Variants in GCNT2 observed in about 807,000 individuals in gnomAD.
GCNT2 encodes the protein N-acetyllactosaminide beta-1,6-N-acetylglucosaminyl-transferase.
In GCNT2, 34 loss-of-function variants were observed where a neutral mutation model predicts 34.2. That is an observed-to-expected ratio of 1.00 (90% confidence interval 0.76 to 1.32). The LOEUF is 1.32. Among genes scored for constraint, GCNT2 ranks in the 40% most tolerant of loss-of-function variants. The pLI is 0.00. For missense variants in GCNT2, 584 were observed against 489.4 expected (o/e 1.19, Z -1.82); for synonymous variants, 212 against 188.0 (o/e 1.13, Z -1.04).
Position 10,626,749 on chromosome 6 carries a change from T to A in GCNT2, c.*142T>A. 1 of 678,294 alleles carries A rather than the reference T, an allele frequency of 1.5e-6. No individual in the cohort carries two copies. Among genetic ancestry groups the A allele is most frequent in the Non-Finnish European group, 2.6e-6 (1 of 378,346 alleles). 42.0% of individuals were successfully genotyped at this position (678,294 alleles called of 1,614,324 possible). On this transcript the variant is annotated 3_prime_UTR_variant, in exon 5 of 5. Coordinates refer to ENST00000495262, the MANE Select transcript of GCNT2 (RefSeq NM_145649.5). ...CAGGACCTGGCTACGTAATTATACT[T>A]AAAATATCCACTGGACACTGTGAAA... is the stretch of plus-strand genomic sequence containing the variant.
chr6:10,598,126 T>G (rs983209703), intron 3 of GCNT2, among the ~76,000 whole-genome samples: 2 of 152,170 alleles, frequency 1.3e-5, no homozygotes, highest in African/African-American at 4.8e-5. Context: ...GATTCCTGTA[T>G]TATTTTGCTT....
rs60430189 is a variant in GCNT2 at position 10,533,987 on chromosome 6, G to C, written c.925+4151G>C. ...AGACGTTGGCCGTCCTCATGTCGCA[G>C]AGTCTCCACCTCTGCTGGTTTTGCT... is the stretch of plus-strand genomic sequence containing the variant. On this transcript the variant is annotated intron_variant, in intron 3 of 4. Transcript: ENST00000495262. Among the ~76,000 whole-genome samples, 5 of 151,324 alleles carry C rather than the reference G, an allele frequency of 3.3e-5. No individual in the cohort carries two copies. The East Asian group carries it at 9.7e-4, about 29-fold the overall frequency.
At chr6:10,602,366 T>G (rs931313834) in intron 3 of GCNT2, among the ~76,000 whole-genome samples, 51 of 152,168 alleles carry the variant, frequency 3.4e-4, no homozygotes, top group African/African-American at 1.2e-3. Flanking sequence ...ATGTGTGTGT[T>G]TTTGTGTCGC....
intron 3 of GCNT2, among the ~76,000 whole-genome samples, chr6:10,576,058 CGG>C (rs1185643045): frequency 6.6e-6 from 1 of 152,160 alleles, no homozygotes; most frequent in African/African-American, 2.4e-5. Flanking sequence ...TGCATGAAAA[CGG>C]GGTTTCACCA....
chr6:10,570,895 G>C (rs9393414), intron 3 of GCNT2, among the ~76,000 whole-genome samples: 98,270 of 152,054 alleles, frequency 0.65, 32,021 homozygotes, highest in Middle Eastern at 0.72. Context: ...TCTAAGCCTT[G>C]TAGATTTATC....
chr6:10,556,515 C>G, intron 3 of GCNT2: 5 of 1,613,958 alleles, frequency 3.1e-6, no homozygotes, highest in Non-Finnish European at 4.2e-6. Context: ...GGGGGAGATC[C>G]AAGCTTCCAA....
chr6:10,592,208 T>C (rs1764681702), intron 3 of GCNT2, among the ~76,000 whole-genome samples: 1 of 152,202 alleles, frequency 6.6e-6, no homozygotes, highest in African/African-American at 2.4e-5. Context: ...GAAGGAGAAA[T>C]TCCACAAAAC....
intron 3 of GCNT2, among the ~76,000 whole-genome samples, chr6:10,576,958 T>TA (rs1170571268): frequency 6.6e-6 from 1 of 152,118 alleles, no homozygotes; most frequent in Non-Finnish European, 1.5e-5. Flanking sequence ...CAAGTGCCTG[T>TA]AGTCTCAGCT....
chr6:10,557,173 G>A (rs370701306), intron 3 of GCNT2: 17 of 1,547,976 alleles, frequency 1.1e-5, no homozygotes, highest in East Asian at 2.3e-5. Flanking sequence ...CGTTGAAACC[G>A]CCTCCCCCCC....
At chr6:10,548,559 G>T (rs1658417981) in intron 3 of GCNT2, among the ~76,000 whole-genome samples, 1 of 152,170 alleles carries the variant, frequency 6.6e-6, no homozygotes, top group Admixed American at 6.5e-5. Flanking sequence ...TGCCAGGGCA[G>T]CCCCCTCCCA....
intron 3 of GCNT2, among the ~76,000 whole-genome samples, chr6:10,551,673 G>T (rs1762486528): frequency 6.6e-6 from 1 of 151,940 alleles, no homozygotes; most frequent in Non-Finnish European, 1.5e-5. Flanking sequence ...TTGAACTCCT[G>T]ACCTCGTGAT....
At chr6:10,566,849 T>G (rs185403519) in intron 3 of GCNT2, among the ~76,000 whole-genome samples, 5 of 152,356 alleles carry the variant, frequency 3.3e-5, no homozygotes, top group Admixed American at 2.6e-4. Context: ...ACTCTGCCCT[T>G]CATTTTACCC....
chr6:10,594,931 G>A (rs1383410078), intron 3 of GCNT2, among the ~76,000 whole-genome samples: 2 of 149,258 alleles, frequency 1.3e-5, no homozygotes, highest in African/African-American at 2.5e-5. Context: ...CTGTAGCCTC[G>A]ACTTCCCAGG....
At chr6:10,617,496 G>A (rs1382323567) in intron 3 of GCNT2, among the ~76,000 whole-genome samples, 2 of 152,352 alleles carry the variant, frequency 1.3e-5, no homozygotes, top group East Asian at 3.9e-4. Context: ...GGCTCCTCAA[G>A]TGGGGCCAGA....
chr6:10,531,476 T>C (rs1761484845), intron 3 of GCNT2, among the ~76,000 whole-genome samples: 1 of 152,206 alleles, frequency 6.6e-6, no homozygotes. Context: ...CCTGTTTCCC[T>C]CCTTGGGGCA....
At chr6:10,608,102 A>C (rs1581477657) in intron 3 of GCNT2, among the ~76,000 whole-genome samples, 1 of 114,938 alleles carries the variant, frequency 8.7e-6, no homozygotes, top group South Asian at 2.6e-4. Context: ...TTTGAGATGG[A>C]GTTTCACTCT....
intron 3 of GCNT2, among the ~76,000 whole-genome samples, chr6:10,560,002 T>C (rs1359492762): frequency 6.6e-6 from 1 of 152,218 alleles, no homozygotes; most frequent in Non-Finnish European, 1.5e-5. Flanking sequence ...GTAACTCCCA[T>C]GGTTTTACAC....
At chr6:10,537,898 T>C (rs1181875232) in intron 3 of GCNT2, among the ~76,000 whole-genome samples, 1 of 151,986 alleles carries the variant, frequency 6.6e-6, no homozygotes, top group Admixed American at 6.6e-5. Flanking sequence ...CTATGTCATG[T>C]GATTTCTTGA....
intron 3 of GCNT2, chr6:10,587,026 C>T: frequency 1.2e-6 from 1 of 822,562 alleles, no homozygotes; most frequent in Admixed American, 2.0e-5. Context: ...ACTTAGAAAA[C>T]TATTAGTTTG....
Sources: gnomAD v4.1 joint callset for allele counts (sites outside exome capture counted in the v4.1 genomes callset) on GRCh38, gnomAD v4.1.1 for gene constraint, MANE v1.5 for transcripts, NCBI Gene and HGNC (gene_info 2026-07-23, HGNC 2026-07-21) for gene names.